ZNF98: variants seen among roughly 807,000 people sequenced by gnomAD.
The protein encoded by ZNF98 is zinc finger protein 739.
A neutral mutation model predicts 12.8 loss-of-function variants in ZNF98; 8 were observed. The ratio of observed to expected loss-of-function variants is 0.63; its 90% CI spans 0.37 to 1.13. The LOEUF (loss-of-function observed/expected upper bound fraction) is 1.13. Among genes scored for constraint, ZNF98 ranks in the 50% most tolerant of loss-of-function variants. ZNF98 has a pLI of 0.01. For synonymous variants in ZNF98, 112 were observed against 223.5 expected, an observed-to-expected ratio of 0.50 and a Z score of 4.45; for missense variants, 379 against 666.1, an observed-to-expected ratio of 0.57 and a Z score of 4.74.
chr19:22,412,583 A>T (rs1014184668), intron 1 of ZNF98, among the ~76,000 whole-genome samples: 4 of 151,908 alleles, frequency 2.6e-5, no homozygotes, highest in African/African-American at 9.7e-5. Flanking sequence ...TCTGAACGGA[A>T]GGAGATTTTC....
At chr19:22,403,541 T>C (rs371890522) in intron 1 of ZNF98, 29 bp from the exon 2 acceptor site, 3 of 1,568,702 alleles carry the variant, frequency 1.9e-6, no homozygotes, top group Non-Finnish European at 2.6e-6. Flanking sequence ...CACATACATA[T>C]TTACCAAGTG....
At chr19:22,417,084 C>A (rs1305663615) in intron 1 of ZNF98, among the ~76,000 whole-genome samples, 1 of 151,982 alleles carries the variant, frequency 6.6e-6, no homozygotes, top group East Asian at 1.9e-4. Context: ...ACAAAATTAG[C>A]CAGGCGTGGT....
intron 1 of ZNF98, among the ~76,000 whole-genome samples, chr19:22,417,151 C>T (rs1969652827): frequency 7.1e-6 from 1 of 140,924 alleles, no homozygotes; most frequent in African/African-American, 2.6e-5. Flanking sequence ...ATTACTTGAA[C>T]CCAGGAAGCG....
chr19:22,422,229 G>A lies in ZNF98; in HGVS notation c.-5C>T. On this transcript the variant is annotated 5_prime_UTR_variant, in exon 1 of 4. Coordinates refer to ENST00000357774, the MANE Select transcript of ZNF98 (RefSeq NM_001098626.2). ...GCTTCCAAGGGGTCCTGGCATCTTA[G>A]CTGTGGATTCCCAATACCTGCAGGT... 1 of 1,612,296 alleles carries A rather than the reference G, an allele frequency of 6.2e-7. No individual in the cohort carries two copies. The highest frequency in any genetic ancestry group is 1.1e-5 in the South Asian group (1 of 91,060).
chr19:22,411,321 G>A (rs62118627), intron 1 of ZNF98, among the ~76,000 whole-genome samples: 51,728 of 152,132 alleles, frequency 0.34, 10,516 homozygotes, highest in Middle Eastern at 0.57. Flanking sequence ...ATAGGTGTGA[G>A]CCACCGCACC....
chr19:22,394,160 G>A (rs542203045), intron 3 of ZNF98, among the ~76,000 whole-genome samples: 1 of 145,110 alleles, frequency 6.9e-6, no homozygotes, highest in South Asian at 2.3e-4. Context: ...CAGTTAGAAT[G>A]GTGATCATTA....
chr19:22,411,436 T>C (rs1348420468), intron 1 of ZNF98, among the ~76,000 whole-genome samples: 1 of 152,256 alleles, frequency 6.6e-6, no homozygotes, highest in Non-Finnish European at 1.5e-5. Flanking sequence ...GTCTTTATCA[T>C]TCTGTATTGT....
chr19:22,419,810 T>C (rs1969684101), intron 1 of ZNF98, among the ~76,000 whole-genome samples: 1 of 152,130 alleles, frequency 6.6e-6, no homozygotes, highest in Non-Finnish European at 1.5e-5. Flanking sequence ...GATAACAGGA[T>C]ACAGAACAGA....
At chr19:22,407,580 C>T (rs1458275330) in intron 1 of ZNF98, among the ~76,000 whole-genome samples, 2 of 151,348 alleles carry the variant, frequency 1.3e-5, no homozygotes, top group African/African-American at 4.8e-5. Context: ...GGTGTGGTGG[C>T]TCACGCCTGC....
intron 1 of ZNF98, among the ~76,000 whole-genome samples, chr19:22,405,937 C>G (rs113491427): frequency 1.1e-3 from 165 of 152,266 alleles, no homozygotes; most frequent in African/African-American, 3.7e-3. Context: ...AACTCCAACT[C>G]CAGCCAGGGG....
chr19:22,391,723 G>C lies in ZNF98; in HGVS notation c.1512C>G (p.His504Gln), dbSNP rs561097322. The change falls in exon 4 of 4, where the codon CAC (histidine) becomes CAG (glutamine). Residue 504 changes from histidine to glutamine, a missense_variant. By Grantham distance (24) the His-to-Gln change is conservative. Transcript: ENST00000357774. ...TATGAATCATCTTATGTGTAGTAAG[G>C]TGTGAGGACTGGTTAAAAGCTTTGC... ...ECGKAFNQSS[H>Q]LTTHKMIHTG... is the part of the protein sequence containing the mutation. 2 of 1,613,678 alleles carry C rather than the reference G, an allele frequency of 1.2e-6. No homozygotes were observed. The highest frequency in any genetic ancestry group is 4.5e-5 in the East Asian group (2 of 44,836).
In ZNF98 at chr19:22,410,840, CT is replaced by C. The variant is rs1969572947; in HGVS notation, c.31-7329del. Among the ~76,000 whole-genome samples the C allele has an allele frequency of 1.3e-5, 2 of 152,080 alleles. 1 individual carries two copies. Among genetic ancestry groups the C allele is most frequent in the South Asian group, 4.1e-4 (2 of 4,824 alleles). ...CCCGTCAAGGCTGATGTTGCTCCCC[CT>C]AGGCTCATTATTAGCATTAGTTAGA... On this transcript the variant is annotated intron_variant, in intron 1 of 3. Transcript: ENST00000357774.
chr19:22,414,148 T>G (rs376902463), intron 1 of ZNF98, among the ~76,000 whole-genome samples: 5 of 145,484 alleles, frequency 3.4e-5, no homozygotes, highest in African/African-American at 1.3e-4. Flanking sequence ...GGCAGAGAAC[T>G]GCTTGAACCC....
chr19:22,401,596 G>A (rs552459092), intron 3 of ZNF98, among the ~76,000 whole-genome samples: 7 of 150,682 alleles, frequency 4.6e-5, no homozygotes, highest in Admixed American at 1.3e-4. Context: ...CAATTCTTCC[G>A]CCTCAGCCTC....
At position 22,391,728 on chromosome 19, in the gene ZNF98, A is replaced by T; in HGVS notation, c.1507T>A (p.Ser503Thr). ...ATCATCTTATGTGTAGTAAGGTGTG[A>T]GGACTGGTTAAAAGCTTTGCCACAT... is the stretch of plus-strand genomic sequence containing the variant. ...EECGKAFNQS[S>T]HLTTHKMIHT... Residue 503 changes from serine to threonine, a missense_variant, in exon 4 of 4, where the codon TCA becomes ACA. Coordinates refer to ENST00000357774, the MANE Select transcript of ZNF98 (RefSeq NM_001098626.2). 4 of 1,613,908 alleles carry T rather than the reference A, an allele frequency of 2.5e-6. No individual in the cohort carries two copies. The highest frequency in any genetic ancestry group is 3.4e-6 in the Non-Finnish European group (4 of 1,179,918).
At chr19:22,397,190 CTGTGTGTGTGTGTGTGTGTTTTTGTG>C (rs977203453) in intron 3 of ZNF98, among the ~76,000 whole-genome samples, 1 of 140,832 alleles carries the variant, frequency 7.1e-6, no homozygotes, top group Non-Finnish European at 1.5e-5. Context: ...GTATGTACAT[CTGTGTGTGTGTGTGTGTGTTTTTGTG>C]TGTGTGTGTG....
intron 1 of ZNF98, among the ~76,000 whole-genome samples, chr19:22,419,402 C>A (rs2145124475): frequency 6.6e-6 from 1 of 152,242 alleles, no homozygotes; most frequent in Middle Eastern, 3.4e-3. Flanking sequence ...TGGGGGTGAG[C>A]AGGCTGGGAC....
chr19:22,420,858 A>G (rs1969696107), intron 1 of ZNF98, among the ~76,000 whole-genome samples: 1 of 152,250 alleles, frequency 6.6e-6, no homozygotes, highest in Non-Finnish European at 1.5e-5. Flanking sequence ...GACAAAAGAA[A>G]AAGAGGCACA....
intron 3 of ZNF98, among the ~76,000 whole-genome samples, chr19:22,401,641 G>A (rs1333565409): frequency 1.3e-5 from 2 of 151,360 alleles, no homozygotes; most frequent in African/African-American, 2.4e-5. Context: ...CTGTCACCAC[G>A]CCTGACTAAT....
Sources: allele counts gnomAD v4.1 joint callset (sites outside exome capture counted in the v4.1 genomes callset), GRCh38; gene constraint gnomAD v4.1.1; transcripts MANE v1.5; gene names NCBI Gene and HGNC (gene_info 2026-07-23, HGNC 2026-07-21).